The following PDE1C variants were observed in gnomAD, a reference collection of about 807,000 sequenced individuals.
PDE1C encodes the protein dual specificity calcium/calmodulin-dependent 3',5'-cyclic nucleotide phosphodiesterase 1C.
PDE1C carries 62 observed loss-of-function variants against 93.1 expected under a neutral mutation model. The ratio of observed to expected loss-of-function variants is 0.67; its 90% CI spans 0.54 to 0.82. The LOEUF is 0.82. PDE1C is among the 40% of genes least tolerant of loss of function. PDE1C has a pLI of 0.00. For synonymous variants in PDE1C, 325 were observed against 310.1 expected (o/e 1.05, Z -0.50); for missense variants, 742 against 884.6 (o/e 0.84, Z 2.04).
intron 2 of PDE1C, among the ~76,000 whole-genome samples, chr7:31,988,196 C>A (rs1427093362): frequency 6.6e-6 from 1 of 152,190 alleles, no homozygotes; most frequent in African/African-American, 2.4e-5. Flanking sequence ...GTGGCAACAA[C>A]CCCCTGCTGT....
chr7:32,379,228 T>C (rs1784488624), intron 1 of PDE1C, among the ~76,000 whole-genome samples: 1 of 152,230 alleles, frequency 6.6e-6, no homozygotes, highest in Non-Finnish European at 1.5e-5. Flanking sequence ...GATTCACTGA[T>C]GCTCCTGGCA....
chr7:31,962,776 G>A (rs1035670484), intron 2 of PDE1C, among the ~76,000 whole-genome samples: 2 of 152,154 alleles, frequency 1.3e-5, no homozygotes, highest in Non-Finnish European at 2.9e-5. Context: ...CTGCACATTA[G>A]AGTTTGACAT....
At chr7:32,350,580 A>AG (rs1783948602) in intron 1 of PDE1C, among the ~76,000 whole-genome samples, 1 of 276 alleles carries the variant, frequency 3.6e-3, no homozygotes, top group African/African-American at 4.8e-3. Context: ...ATATATATAT[A>AG]TATATATATA....
intron 2 of PDE1C, among the ~76,000 whole-genome samples, chr7:31,888,814 C>G (rs1344688505): frequency 2.0e-5 from 3 of 151,630 alleles, no homozygotes; most frequent in African/African-American, 7.3e-5. Flanking sequence ...AAAATAATAT[C>G]TTTAAAAAGC....
intron 3 of PDE1C, chr7:32,169,702 C>G: frequency 8.6e-7 from 1 of 1,165,252 alleles, no homozygotes; most frequent in Non-Finnish European, 1.3e-6. Flanking sequence ...AATTTGCTGG[C>G]CACACTGACT....
chr7:31,875,293 C>G (rs1200956952), intron 5 of PDE1C, among the ~76,000 whole-genome samples: 2 of 152,052 alleles, frequency 1.3e-5, no homozygotes, highest in Non-Finnish European at 2.9e-5. Flanking sequence ...TGATAAAAAG[C>G]CAAGATTTAT....
rs17160816 is a variant in PDE1C, at chr7:32,035,891, C to T, written c.128+15663G>A. On this transcript the variant is annotated intron_variant, in intron 2 of 17. Coordinates refer to ENST00000396191, the MANE Select transcript of PDE1C (RefSeq NM_001191057.4). Reference sequence around the variant, plus strand: ...AGGTAATCCCATGTTTCAGCTTTAACGTGCCTGGTCAATTGTGAAAACTGA... The same window carrying T: ...AGGTAATCCCATGTTTCAGCTTTAATGTGCCTGGTCAATTGTGAAAACTGA... Among the ~76,000 whole-genome samples the T allele has an allele frequency of 2.7e-3, 412 of 152,284 alleles. 1 individual carries two copies. Among genetic ancestry groups the T allele is most frequent in the Admixed American group, 6.0e-3 (91 of 15,286 alleles).
chr7:32,387,720 G>A, intron 1 of PDE1C, among the ~76,000 whole-genome samples: 1 of 140,512 alleles, frequency 7.1e-6, no homozygotes, highest in Admixed American at 6.9e-5. Flanking sequence ...CGGCTGGCCG[G>A]GCAGAGGGGC....
At chr7:32,044,788 T>A (rs1792298270) in intron 2 of PDE1C, among the ~76,000 whole-genome samples, 1 of 152,022 alleles carries the variant, frequency 6.6e-6, no homozygotes, top group Non-Finnish European at 1.5e-5. Flanking sequence ...CCTGGATAAA[T>A]GGAAGAATGG....
intron 3 of PDE1C, among the ~76,000 whole-genome samples, chr7:32,087,408 GTAAAC>G (rs1310907339): frequency 6.6e-6 from 1 of 152,126 alleles, no homozygotes; most frequent in Non-Finnish European, 1.5e-5. Flanking sequence ...TGGTGGGACT[GTAAAC>G]TAGTCCAACC....
chr7:32,166,124 A>G (rs1047193356), intron 3 of PDE1C, among the ~76,000 whole-genome samples: 2 of 152,160 alleles, frequency 1.3e-5, no homozygotes, highest in African/African-American at 4.8e-5. Flanking sequence ...TGCAATGTAC[A>G]CATGCAACAA....
chr7:31,732,080 C>T, the PDE1C span, among the ~76,000 whole-genome samples: 2 of 152,222 alleles, frequency 1.3e-5, no homozygotes, highest in African/African-American at 4.8e-5. Flanking sequence ...GCTGGTTGTG[C>T]GGCCCCGCAC....
At chr7:31,648,315 C>T in the PDE1C span, among the ~76,000 whole-genome samples, 1 of 151,672 alleles carries the variant, frequency 6.6e-6, no homozygotes, top group Non-Finnish European at 1.5e-5. Flanking sequence ...ATAATCAAGC[C>T]TTTATATTGT....
At chr7:31,717,807 T>C in the PDE1C span, among the ~76,000 whole-genome samples, 1 of 152,106 alleles carries the variant, frequency 6.6e-6, no homozygotes, top group Non-Finnish European at 1.5e-5. Context: ...GGAGTCTATT[T>C]CTACTATTTT....
the PDE1C span, among the ~76,000 whole-genome samples, chr7:31,717,498 T>C: frequency 6.6e-6 from 1 of 152,152 alleles, no homozygotes; most frequent in Non-Finnish European, 1.5e-5. Flanking sequence ...AGGGGAAGAT[T>C]GCATCTCATC....
At chr7:32,169,493 C>G (rs1584894553) in intron 3 of PDE1C, among the ~76,000 whole-genome samples, 1 of 152,296 alleles carries the variant, frequency 6.6e-6, no homozygotes, top group Non-Finnish European at 1.5e-5. Flanking sequence ...GCAAAAGACT[C>G]ATTAATCCAA....
intron 2 of PDE1C, among the ~76,000 whole-genome samples, chr7:31,990,097 TGG>T (rs1783969769): frequency 6.6e-6 from 1 of 152,132 alleles, no homozygotes; most frequent in South Asian, 2.1e-4. Flanking sequence ...GCAGGGCCCC[TGG>T]GGAGCAAACA....
chr7:32,179,913 GA>G (rs936352749), intron 2 of PDE1C, among the ~76,000 whole-genome samples: 10 of 152,108 alleles, frequency 6.6e-5, no homozygotes. Context: ...TAAAGGGAAG[GA>G]AAAAACATTA....
rs1360599386 is a variant in PDE1C at position 31,997,988 on chromosome 7, TTTTTA to T, written c.128+53561_128+53565del. On this transcript the variant is annotated intron_variant, in intron 2 of 17. Transcript: ENST00000396191. ...CTATGTGGCTGTTAGAAACATCTTA[TTTTTA>T]TTTTATTTTATTTTATTTTTATTTA... is the stretch of plus-strand genomic sequence containing the variant. 3.4e-3 allele frequency among the ~76,000 whole-genome samples: 505 copies of T among 149,340 alleles called. 3 individuals are homozygous for T. The highest frequency in any genetic ancestry group is 8.6e-3 in the African/African-American group (351 of 40,812).
Sources: allele counts gnomAD v4.1 joint callset (sites outside exome capture counted in the v4.1 genomes callset), GRCh38; gene constraint gnomAD v4.1.1; transcripts MANE v1.5; gene names NCBI Gene and HGNC (gene_info 2026-07-23, HGNC 2026-07-21).